KCNG3: variants seen among roughly 807,000 people sequenced by gnomAD.
KCNG3 encodes the protein voltage-gated potassium channel regulatory subunit KCNG3.
KCNG3 carries 15 observed loss-of-function variants against 29.0 expected under a neutral mutation model. That is an observed-to-expected ratio of 0.52 (90% CI 0.35 to 0.80). KCNG3 has a LOEUF of 0.80. Ranked by LOEUF, KCNG3 falls within the 30% of genes least tolerant of loss-of-function variation. KCNG3 has a pLI of 0.01. For missense variants in KCNG3, 512 were observed against 605.7 expected (o/e 0.85, Z 1.62); for synonymous variants, 322 against 248.9 (o/e 1.29, Z -2.76).
intron 1 of KCNG3, among the ~76,000 whole-genome samples, chr2:42,482,603 C>T (rs2374431): frequency 0.28 from 42,498 of 152,002 alleles, 6,557 homozygotes; most frequent in African/African-American, 0.4. Flanking sequence ...GTGGCACACC[C>T]CTGTAATCCC....
intron 1 of KCNG3, among the ~76,000 whole-genome samples, chr2:42,477,918 G>A (rs549388689): frequency 6.6e-5 from 10 of 151,858 alleles, no homozygotes; most frequent in Middle Eastern, 6.8e-3. Flanking sequence ...CCTCTTTCAC[G>A]GGCATCCCAC....
the KCNG3 span, among the ~76,000 whole-genome samples, chr2:42,433,490 G>A: frequency 2.6e-5 from 4 of 152,160 alleles, no homozygotes; most frequent in Admixed American, 1.3e-4. Context: ...TGTAATTTCA[G>A]CATTTTGGGA....
At chr2:42,488,841 C>T (rs147645838) in intron 1 of KCNG3, among the ~76,000 whole-genome samples, 1 of 151,926 alleles carries the variant, frequency 6.6e-6, no homozygotes, top group East Asian at 1.9e-4. Flanking sequence ...TGAGCCACCA[C>T]GCCTGGCCCC....
chr2:42,493,553 C>A lies in KCNG3; in HGVS notation c.-52G>T. Reference sequence around the variant, plus strand: ...CCGAGGGCCCCGCTGCAGCCCCCCACCCCAAGCCGCCACGCGGGGCCTGCC... The same window carrying A: ...CCGAGGGCCCCGCTGCAGCCCCCCAACCCAAGCCGCCACGCGGGGCCTGCC... On this transcript the variant is annotated 5_prime_UTR_variant, in exon 1 of 2. Coordinates refer to ENST00000306078, the MANE Select transcript of KCNG3 (RefSeq NM_133329.6). The A allele has an allele frequency of 7.8e-7, 1 of 1,285,978 alleles. No homozygotes were observed. Among genetic ancestry groups the A allele is most frequent in the African/African-American group, 1.6e-5 (1 of 64,508 alleles). 79.7% of individuals were successfully genotyped at this position (1,285,978 alleles called of 1,614,324 possible).
chr2:42,454,008 G>A (rs1260889902), intron 1 of KCNG3, among the ~76,000 whole-genome samples: 1 of 151,330 alleles, frequency 6.6e-6, no homozygotes, highest in Non-Finnish European at 1.5e-5. Flanking sequence ...AGTTAATAAG[G>A]CCAATGAGCA....
the KCNG3 span, among the ~76,000 whole-genome samples, chr2:42,419,867 C>G: frequency 6.6e-6 from 1 of 152,194 alleles, no homozygotes. Flanking sequence ...AGCAAGAGAG[C>G]AGAGACTGCC....
chr2:42,394,874 T>C, the KCNG3 span, among the ~76,000 whole-genome samples: 1 of 152,312 alleles, frequency 6.6e-6, no homozygotes. Context: ...GAGACCTGTC[T>C]CAGATATCTG....
At chr2:42,398,051 G>C in the KCNG3 span, among the ~76,000 whole-genome samples, 4 of 151,918 alleles carry the variant, frequency 2.6e-5, no homozygotes, top group Admixed American at 1.3e-4. Flanking sequence ...GTGAAACCCT[G>C]TCTCTACTAG....
chr2:42,408,944 C>T, the KCNG3 span, among the ~76,000 whole-genome samples: 1 of 152,108 alleles, frequency 6.6e-6, no homozygotes, highest in African/African-American at 2.4e-5. Context: ...AATGCTTGTT[C>T]CCCGATGCAA....
the KCNG3 span, among the ~76,000 whole-genome samples, chr2:42,423,075 G>A: frequency 2.0e-5 from 3 of 152,108 alleles, no homozygotes; most frequent in African/African-American, 7.2e-5. Context: ...ACTCTAGACA[G>A]AACCTCTCCC....
chr2:42,391,060 G>A, the KCNG3 span, among the ~76,000 whole-genome samples: 2 of 152,186 alleles, frequency 1.3e-5, no homozygotes, highest in Non-Finnish European at 1.5e-5. Flanking sequence ...TCTGGAGAGC[G>A]CTGCTGTGAC....
intron 1 of KCNG3, among the ~76,000 whole-genome samples, chr2:42,461,334 T>C (rs1344707907): frequency 2.0e-5 from 3 of 152,046 alleles, no homozygotes; most frequent in Non-Finnish European, 4.4e-5. Flanking sequence ...ACTGGCTCCA[T>C]GGACAAACCA....
At chr2:42,459,435 C>G (rs537905135) in intron 1 of KCNG3, among the ~76,000 whole-genome samples, 1 of 152,284 alleles carries the variant, frequency 6.6e-6, no homozygotes, top group East Asian at 1.9e-4. Context: ...AAAGGAGGCA[C>G]GAAATGTGCA....
chr2:42,461,096 G>A (rs1055577098), intron 1 of KCNG3, among the ~76,000 whole-genome samples: 6 of 147,520 alleles, frequency 4.1e-5, no homozygotes, highest in African/African-American at 1.5e-4. Flanking sequence ...AGGAGGTGGA[G>A]CTTGCAGTGA....
the KCNG3 span, among the ~76,000 whole-genome samples, chr2:42,426,706 T>C: frequency 2.7e-4 from 41 of 152,246 alleles, no homozygotes; most frequent in Admixed American, 1.3e-4. Context: ...CAGGTGCAGA[T>C]AATTAACAAT....
chr2:42,477,427 ATTTTTTT>A (rs768215543), intron 1 of KCNG3, among the ~76,000 whole-genome samples: 5 of 108,966 alleles, frequency 4.6e-5, no homozygotes, highest in East Asian at 3.0e-4. Flanking sequence ...ACACACATAT[ATTTTTTT>A]TTTTTTTTTT....
intron 1 of KCNG3, among the ~76,000 whole-genome samples, chr2:42,473,824 T>C (rs1572858027): frequency 6.6e-6 from 1 of 152,204 alleles, no homozygotes; most frequent in South Asian, 2.1e-4. Context: ...TCAAAGCATT[T>C]GCTGTAATGA....
At chr2:42,403,876 C>T in the KCNG3 span, among the ~76,000 whole-genome samples, 2 of 152,112 alleles carry the variant, frequency 1.3e-5, no homozygotes, top group Non-Finnish European at 2.9e-5. Context: ...GCTGGGATTA[C>T]GGGCATGAGC....
the KCNG3 span, among the ~76,000 whole-genome samples, chr2:42,427,680 T>C: frequency 6.6e-6 from 1 of 152,256 alleles, no homozygotes; most frequent in Non-Finnish European, 1.5e-5. Flanking sequence ...TAAGATATTT[T>C]TTAGTGCAAA....
Sources: allele counts gnomAD v4.1 joint callset (sites outside exome capture counted in the v4.1 genomes callset), GRCh38; gene constraint gnomAD v4.1.1; transcripts MANE v1.5; gene names NCBI Gene and HGNC (gene_info 2026-07-23, HGNC 2026-07-21).